The following ADGRB1 variants were observed in gnomAD, a reference collection of about 807,000 sequenced individuals.
ADGRB1 encodes brain-specific angiogenesis inhibitor 1.
A neutral mutation model predicts 175.7 loss-of-function variants in ADGRB1; 36 were observed. The ratio of observed to expected loss-of-function variants is 0.20; its 90% CI spans 0.16 to 0.27. The LOEUF is 0.27. ADGRB1 is among the 10% of genes least tolerant of loss of function. The pLI, the probability that ADGRB1 is intolerant of heterozygous loss-of-function variation, is 1.00. For missense variants in ADGRB1, 1,731 were observed against 2,255.3 expected (o/e 0.77, Z 4.71); for synonymous variants, 1,054 against 979.4 (o/e 1.08, Z -1.42).
chr8:142,534,087 G>T (rs1486707906), intron 25 of ADGRB1, among the ~76,000 whole-genome samples: 2 of 152,232 alleles, frequency 1.3e-5, no homozygotes, highest in African/African-American at 2.4e-5. Context: ...AAAGCACACA[G>T]GTTCCCGAGG....
Position 142,522,123 on chromosome 8 carries a change from G to T in ADGRB1, c.3175+8G>T, listed in dbSNP as rs529559056. On this transcript the variant is annotated splice_region_variant and intron_variant, in intron 21 of 30. Transcript: ENST00000517894. The stretch of plus-strand genomic sequence containing the variant: ...TCCTCTGCCTGGGCTGGGGTGAGCC[G>T]CGGCCTTCCCGACCCTCCTGGACAG... The T allele has an allele frequency of 1.1e-4, 174 of 1,606,618 alleles. No individual in the cohort carries two copies. The South Asian group carries it at 1.4e-3, about 13-fold the overall frequency.
In ADGRB1 at chr8:142,502,579, TCA is replaced by T. The variant is rs1563719531; in HGVS notation, c.2676-8352_2676-8351del. Among the ~76,000 whole-genome samples, 5 of 10,072 alleles carry T rather than the reference TCA, an allele frequency of 5.0e-4. No individual in the cohort carries two copies. In the Non-Finnish European group the frequency reaches 8.0e-3, roughly 16 times the overall value. The allele number at this position is 10,072 out of a possible 152,430, so 6.6% of individuals were successfully genotyped here. ...GTGGTGGTGGTGATAGGATGGTGGT[TCA>T]GTCATCACTGTGGTTTTGATGATGG... On this transcript the variant is annotated intron_variant, in intron 17 of 30. Coordinates refer to ENST00000517894, the MANE Select transcript of ADGRB1 (RefSeq NM_001702.3).
At position 142,515,376 on chromosome 8, in the gene ADGRB1, G is replaced by A. The variant is rs577647929; in HGVS notation, c.2818-2762G>A. Among the ~76,000 whole-genome samples the A allele has an allele frequency of 2.0e-5, 3 of 152,334 alleles. No individual in the cohort carries two copies. In the South Asian group the frequency reaches 6.2e-4, roughly 32 times the overall value. ...CCGCCCATCCCTTCTTCATCGCCTG[G>A]AACCTGCTGAGCAACGGCCGTCGGG... On this transcript the variant is annotated intron_variant, in intron 18 of 30. Coordinates refer to ENST00000517894, the MANE Select transcript of ADGRB1 (RefSeq NM_001702.3).
chr8:142,491,271 A>G (rs897583979), intron 17 of ADGRB1, among the ~76,000 whole-genome samples: 2 of 152,254 alleles, frequency 1.3e-5, no homozygotes, highest in African/African-American at 4.8e-5. Context: ...TGGGGTCTTC[A>G]GTGGCCATAT....
chr8:142,490,773 G>A lies in ADGRB1; in HGVS notation c.2633G>A (p.Gly878Asp), dbSNP rs1453485848. The change falls in exon 17 of 31, where the codon GGC becomes GAC. Residue 878 changes from glycine to aspartate, a missense_variant and splice_region_variant. Gly to Asp is a moderately conservative substitution (Grantham distance 94, BLOSUM62 -1). This residue lies in a region of ADGRB1 where 388 missense variants were observed against 630.9 expected (regional missense o/e 0.61). Coordinates refer to ENST00000517894, the MANE Select transcript of ADGRB1 (RefSeq NM_001702.3). ...LEIEFAHMYN[G>D]TTNQTCILWD... The stretch of plus-strand genomic sequence containing the variant: ...TGACTCCTCTCCCCTCTCTCCCAGG[G>A]CACCACCAACCAGACCTGTATCCTG... 6.3e-7 allele frequency: 1 copy of A among 1,580,446 alleles called. No individual in the cohort carries two copies. Among genetic ancestry groups the A allele is most frequent in the African/African-American group, 1.3e-5 (1 of 74,422 alleles).
At chr8:142,503,412 A>G (rs1051672135) in intron 17 of ADGRB1, among the ~76,000 whole-genome samples, 1 of 151,998 alleles carries the variant, frequency 6.6e-6, no homozygotes, top group Non-Finnish European at 1.5e-5. Context: ...GCACCTGCTG[A>G]GTGAGTGAGA....
At position 142,542,464 on chromosome 8, in the gene ADGRB1, G is replaced by T; in HGVS notation, c.4230G>T (p.Gln1410His). The change falls in exon 28 of 31, where the codon CAG becomes CAT. Residue 1410 changes from glutamine (Q) to histidine (H), a missense_variant. Coordinates refer to ENST00000517894, the MANE Select transcript of ADGRB1 (RefSeq NM_001702.3). This position sits in a 1 kb window ranked among gnomAD's most constrained non-coding sequence, Gnocchi z 6.3. ...GGCCCCCCGAGGCACCCCCTGCCCA[G>T]CCCCCACCGCCTCCGCCCCCACCGC... Reference protein sequence around the residue: ...SGGPPEAPPAQPPPPPPPPPP... With the variant: ...SGGPPEAPPAHPPPPPPPPPP... 1.1e-6 allele frequency: 1 copy of T among 880,588 alleles called. No homozygotes were observed. Among genetic ancestry groups the T allele is most frequent in the Non-Finnish European group, 1.4e-6 (1 of 704,628 alleles). 54.5% of individuals were successfully genotyped at this position (880,588 alleles called of 1,614,324 possible).
At chr8:142,451,634 C>T (rs969230049) in intron 1 of ADGRB1, among the ~76,000 whole-genome samples, 2 of 152,094 alleles carry the variant, frequency 1.3e-5, no homozygotes, top group Non-Finnish European at 2.9e-5. Context: ...CACGGAGACC[C>T]TCGGTACTCT....
chr8:142,515,215 C>T (rs1385243471), intron 18 of ADGRB1, among the ~76,000 whole-genome samples: 1 of 152,176 alleles, frequency 6.6e-6, no homozygotes, highest in Non-Finnish European at 1.5e-5. Flanking sequence ...GGGGGCCTGG[C>T]ATGTGCAAGG....
intron 25 of ADGRB1, among the ~76,000 whole-genome samples, chr8:142,536,137 A>C (rs1325632520): frequency 6.6e-6 from 1 of 152,082 alleles, no homozygotes; most frequent in Non-Finnish European, 1.5e-5. Context: ...CAGGAGCCCC[A>C]GCTTGCCCTC....
intron 24 of ADGRB1, among the ~76,000 whole-genome samples, chr8:142,529,222 A>T (rs561794834): frequency 6.6e-6 from 1 of 151,812 alleles, no homozygotes; most frequent in Non-Finnish European, 1.5e-5. Flanking sequence ...GTGTGCATGC[A>T]TGCCACTGGG....
At chr8:142,466,944 C>T (rs746073569) in intron 2 of ADGRB1, among the ~76,000 whole-genome samples, 6 of 152,196 alleles carry the variant, frequency 3.9e-5, no homozygotes, top group Non-Finnish European at 5.9e-5. Context: ...CTCAGGGGCC[C>T]GGCCCAAGAT....
Position 142,479,364 on chromosome 8 carries a change from A to C in ADGRB1, c.1603A>C (p.Ser535Arg). 1 of 1,533,930 alleles carries C rather than the reference A, an allele frequency of 6.5e-7. No individual in the cohort carries two copies. The highest frequency in any genetic ancestry group is 8.7e-7 in the Non-Finnish European group (1 of 1,143,800). Reference sequence around the variant, plus strand: ...GGCCTGGGCGTCATGGGGCAGTTGCAGCGTCACGTGTGGGGCTGGCAGCCA... The same window carrying C: ...GGCCTGGGCGTCATGGGGCAGTTGCCGCGTCACGTGTGGGGCTGGCAGCCA... ...WQAWASWGSC[S>R]VTCGAGSQRR... is the part of the protein sequence containing the mutation. Residue 535 changes from serine to arginine, a missense_variant, in exon 8 of 31, where the codon AGC (serine) becomes CGC (arginine). Transcript: ENST00000517894.
At chr8:142,509,495 G>C (rs947060280) in intron 17 of ADGRB1, among the ~76,000 whole-genome samples, 1 of 152,140 alleles carries the variant, frequency 6.6e-6, no homozygotes, top group Non-Finnish European at 1.5e-5. Flanking sequence ...TGGAGAGAGC[G>C]CCAGCCACAG....
chr8:142,526,812 A>C (rs932889293), intron 24 of ADGRB1, among the ~76,000 whole-genome samples, 185 bp downstream of exon 24: 1 of 152,156 alleles, frequency 6.6e-6, no homozygotes, highest in Non-Finnish European at 1.5e-5. Context: ...CCTGCCTCTC[A>C]CCGTGCCTCA....
At chr8:142,501,259 AGTG>A (rs556552062) in intron 17 of ADGRB1, among the ~76,000 whole-genome samples, 4 of 145,220 alleles carry the variant, frequency 2.8e-5, no homozygotes, top group Admixed American at 1.4e-4. Context: ...TGTTAATGGC[AGTG>A]GTGGTGGTGG....
intron 18 of ADGRB1, among the ~76,000 whole-genome samples, chr8:142,517,766 G>A (rs1003134621): frequency 1.3e-5 from 2 of 152,178 alleles, no homozygotes; most frequent in Non-Finnish European, 2.9e-5. Flanking sequence ...GACTGTGCGT[G>A]TGGGTGGGCC....
intron 4 of ADGRB1, 66 bp downstream of exon 4, chr8:142,476,761 C>G (rs1002917066): frequency 1.4e-6 from 2 of 1,411,050 alleles, no homozygotes; most frequent in African/African-American, 1.4e-5. Context: ...TTATCAATTG[C>G]AGCTAGTTAT....
At chr8:142,539,069 C>T (rs1845108256) in intron 26 of ADGRB1, among the ~76,000 whole-genome samples, 1 of 152,242 alleles carries the variant, frequency 6.6e-6, no homozygotes, top group South Asian at 2.1e-4. Flanking sequence ...CATTCTCTCA[C>T]ATTTACAAAC....
Sources: allele counts gnomAD v4.1 joint callset (sites outside exome capture counted in the v4.1 genomes callset), GRCh38; gene constraint gnomAD v4.1.1; regional missense constraint gnomAD v4.1.1; non-coding constraint Gnocchi (gnomAD v3.1); transcripts MANE v1.5; gene names NCBI Gene and HGNC (gene_info 2026-07-23, HGNC 2026-07-21).